Variants in IL1RN observed in about 807,000 individuals in gnomAD.
IL1RN encodes interleukin 1 receptor antagonist, also known as interleukin-1 receptor antagonist protein.
A neutral mutation model predicts 13.7 loss-of-function variants in IL1RN; 10 were observed. The ratio of observed to expected loss-of-function variants is 0.73; its 90% CI spans 0.45 to 1.24. IL1RN has a LOEUF of 1.24. Among genes scored for constraint, IL1RN ranks in the 50% most tolerant of loss-of-function variants. IL1RN has a pLI of 0.00. For missense variants in IL1RN, 213 were observed against 222.1 expected (o/e 0.96, Z 0.26); for synonymous variants, 102 against 82.7 (o/e 1.23, Z -1.27).
rs1687200240 is a variant in IL1RN, at chr2:113,132,316, T to TGG, written c.319-339_319-338insGG. The stretch of plus-strand genomic sequence containing the variant: ...AGAAAACATTAGACAGGTGTGGTGG[T>TGG]GCATGCCTGTAATCCCAGCTACTCA... On this transcript the variant is annotated intron_variant, in intron 3 of 3. Transcript: ENST00000409930. Among the ~76,000 whole-genome samples, 4 of 152,100 alleles carry TGG rather than the reference T, an allele frequency of 2.6e-5. No homozygotes were observed. The South Asian group carries it at 8.3e-4, about 31-fold the overall frequency.
chr2:113,129,062 T>G (rs1242595279), intron 1 of IL1RN, among the ~76,000 whole-genome samples: 1 of 152,208 alleles, frequency 6.6e-6, no homozygotes, highest in Non-Finnish European at 1.5e-5. Context: ...CTCTTGAAAC[T>G]TCTACCTAGG....
upstream of IL1RN, among the ~76,000 whole-genome samples, chr2:113,108,250 G>T (rs531630168): frequency 6.6e-6 from 1 of 151,724 alleles, no homozygotes; most frequent in South Asian, 2.1e-4. Context: ...TTTTGGGGGG[G>T]GTTATAAATT....
intron 3 of IL1RN, among the ~76,000 whole-genome samples, 176 bp downstream of exon 3, chr2:113,131,333 T>C (rs765996179): frequency 7.9e-5 from 12 of 152,246 alleles, no homozygotes; most frequent in South Asian, 6.2e-4. Flanking sequence ...TGGCTTGCGC[T>C]GGGCATCCAA....
chr2:113,108,822 T>C (rs540239836), upstream of IL1RN, among the ~76,000 whole-genome samples: 102 of 152,236 alleles, frequency 6.7e-4, no homozygotes, highest in African/African-American at 2.4e-3. Context: ...AGGGCAGAAC[T>C]AAAATGTTAA....
upstream of IL1RN, among the ~76,000 whole-genome samples, chr2:113,103,859 C>A (rs1288044721): frequency 1.3e-5 from 2 of 152,020 alleles, no homozygotes; most frequent in African/African-American, 4.8e-5. Flanking sequence ...AAAGCTCAGA[C>A]TTCAAAGAAA....
chr2:113,105,371 T>G (rs1408230828), upstream of IL1RN, among the ~76,000 whole-genome samples: 1 of 152,236 alleles, frequency 6.6e-6, no homozygotes, highest in Non-Finnish European at 1.5e-5. Flanking sequence ...CACAAATGTT[T>G]GGGCTTACTT....
chr2:113,126,093 C>A (rs965742555), upstream of IL1RN, among the ~76,000 whole-genome samples: 1 of 152,180 alleles, frequency 6.6e-6, no homozygotes, highest in Non-Finnish European at 1.5e-5. Flanking sequence ...CCACCGTGCC[C>A]AGCCCAGCCA....
chr2:113,120,176 G>A (rs1234704741), intron 2 of IL1RN: 2 of 1,251,866 alleles, frequency 1.6e-6, no homozygotes, highest in Non-Finnish European at 2.4e-6. Context: ...TAGGCTACTA[G>A]ATATGAACAA....
intron 1 of IL1RN, 94 bp from the exon 2 acceptor site, chr2:113,129,482 A>T (rs1353356317): frequency 1.2e-6 from 1 of 819,660 alleles, no homozygotes; most frequent in Non-Finnish European, 2.2e-6. Flanking sequence ...GCTGGATGCA[A>T]ATTTGACAAG....
At chr2:113,131,479 A>C (rs553349283) in intron 3 of IL1RN, among the ~76,000 whole-genome samples, 1 of 152,240 alleles carries the variant, frequency 6.6e-6, no homozygotes, top group East Asian at 1.9e-4. Flanking sequence ...GCAGGCGCTT[A>C]TTATGACTTC....
chr2:113,108,106 A>G (rs371886507), upstream of IL1RN, among the ~76,000 whole-genome samples: 11 of 152,316 alleles, frequency 7.2e-5, no homozygotes, highest in East Asian at 1.7e-3. Context: ...AAATCAGGGT[A>G]TCAGCAGGGC....
At chr2:113,099,459 A>C in the IL1RN span, among the ~76,000 whole-genome samples, 1 of 152,224 alleles carries the variant, frequency 6.6e-6, no homozygotes, top group African/African-American at 2.4e-5. Flanking sequence ...AGCAGGGCTG[A>C]GAACTTGCTC....
chr2:113,131,077 G>T lies in IL1RN; in HGVS notation c.238G>T (p.Ala80Ser). 3 of 1,613,544 alleles carry T rather than the reference G, an allele frequency of 1.9e-6. No homozygotes were observed. ...AGATGTGGTACCCATTGAGCCTCAT[G>T]CTCTGTTCTTGGGAATCCATGGAGG... The part of the protein sequence containing the change: ...KIDVVPIEPH[A>S]LFLGIHGGKM... Residue 80 changes from alanine (A) to serine (S), a missense_variant, in exon 3 of 4, where the codon GCT becomes TCT. By Grantham distance (99) the Ala-to-Ser change is moderately conservative. Transcript: ENST00000409930.
intron 1 of IL1RN, among the ~76,000 whole-genome samples, chr2:113,112,401 C>G (rs1030663432): frequency 9.2e-5 from 14 of 152,078 alleles, no homozygotes; most frequent in Non-Finnish European, 1.6e-4. Flanking sequence ...AGTTGCTAGT[C>G]CTTCCCGCCA....
chr2:113,099,936 G>A, the IL1RN span, among the ~76,000 whole-genome samples: 11 of 137,080 alleles, frequency 8.0e-5, no homozygotes, highest in African/African-American at 1.6e-4. Context: ...GGGTTTCACC[G>A]TGTTAGCCAG....
At chr2:113,123,001 T>G (rs1039732010), upstream of IL1RN, among the ~76,000 whole-genome samples, 1 of 152,196 alleles carries the variant, frequency 6.6e-6, no homozygotes, top group African/African-American at 2.4e-5. Flanking sequence ...GGCACAAGCC[T>G]GTAATCCCAG....
upstream of IL1RN, among the ~76,000 whole-genome samples, chr2:113,125,921 C>G (rs778909921): frequency 1.3e-5 from 2 of 152,198 alleles, no homozygotes; most frequent in African/African-American, 2.4e-5. Context: ...GCCTCAGCCT[C>G]CCGAGTAGCT....
intron 1 of IL1RN, 94 bp from the exon 2 acceptor site, chr2:113,129,482 A>C (rs1353356317): frequency 1.2e-6 from 1 of 819,542 alleles, no homozygotes; most frequent in African/African-American, 1.7e-5. Context: ...GCTGGATGCA[A>C]ATTTGACAAG....
At chr2:113,108,674 G>T (rs1408200000), upstream of IL1RN, among the ~76,000 whole-genome samples, 1 of 152,124 alleles carries the variant, frequency 6.6e-6, no homozygotes, top group Non-Finnish European at 1.5e-5. Context: ...GGGAATTGCG[G>T]GTGGTGGAGT....
Sources: gnomAD v4.1 joint callset for allele counts (sites outside exome capture counted in the v4.1 genomes callset) on GRCh38, gnomAD v4.1.1 for gene constraint, MANE v1.5 for transcripts, NCBI Gene and HGNC (gene_info 2026-07-23, HGNC 2026-07-21) for gene names.